MAPK7: variants seen among roughly 807,000 people sequenced by gnomAD.
MAPK7 encodes the protein BMK-1.
A neutral mutation model predicts 56.9 loss-of-function variants in MAPK7; 30 were observed. The observed-to-expected ratio is 0.53, with a 90% CI of 0.39 to 0.72. MAPK7 has a LOEUF of 0.72. MAPK7 is among the 30% of genes least tolerant of loss of function. The pLI, the probability that MAPK7 is intolerant of heterozygous loss-of-function variation, is 0.00. For missense variants in MAPK7, 952 were observed against 1,110.8 expected, an observed-to-expected ratio of 0.86 and a Z score of 2.03; for synonymous variants, 516 against 449.3, an observed-to-expected ratio of 1.15 and a Z score of -1.88.
At position 19,378,976 on chromosome 17, in the gene MAPK7, G is replaced by T; in HGVS notation, c.76G>T (p.Ala26Ser). The change falls in exon 2 of 7, where the codon GCC becomes TCC. Residue 26 changes from alanine (A) to serine (S), a missense_variant. Coordinates refer to ENST00000395604, the MANE Select transcript of MAPK7 (RefSeq NM_002749.4). The surrounding 1 kb of genome is among the most constrained non-coding windows in gnomAD (Gnocchi z 5.4). Reference sequence around the variant, plus strand: ...CCCCGGGCCCGTGAAGGCCGAACCCGCCCACACCGCTGCCTCTGTAGCGGC... The same window carrying T: ...CCCCGGGCCCGTGAAGGCCGAACCCTCCCACACCGCTGCCTCTGTAGCGGC... ...EPPGPVKAEPAHTAASVAAKN... is the reference protein window; with the variant it reads ...EPPGPVKAEPSHTAASVAAKN... 1 of 1,608,054 alleles carries T rather than the reference G, an allele frequency of 6.2e-7. No individual in the cohort carries two copies. The highest frequency in any genetic ancestry group is 8.5e-7 in the Non-Finnish European group (1 of 1,177,448).
In MAPK7 at chr17:19,380,895, C is replaced by T. The variant is rs758766881; in HGVS notation, c.686C>T (p.Ala229Val). 9 of 1,614,044 alleles carry T rather than the reference C, an allele frequency of 5.6e-6. No individual in the cohort carries two copies. Among genetic ancestry groups the T allele is most frequent in the East Asian group, 2.2e-5 (1 of 44,894 alleles). Residue 229 changes from alanine to valine, a missense_variant, in exon 4 of 7, where the codon GCG (alanine) becomes GTG (valine). Coordinates refer to ENST00000395604, the MANE Select transcript of MAPK7 (RefSeq NM_002749.4). Reference protein sequence around the residue: ...TEYVATRWYRAPELMLSLHEY... With the variant: ...TEYVATRWYRVPELMLSLHEY... ...TATGTGGCCACGCGCTGGTACCGTG[C>T]GCCCGAGCTCATGCTCTCTTTGCAT...
At position 19,381,314 on chromosome 17, in the gene MAPK7, C is replaced by G. The variant is rs752892599; in HGVS notation, c.1105C>G (p.Arg369Gly). The stretch of plus-strand genomic sequence containing the variant: ...CCCGCCCTTTGACTTTGCCTTTGAC[C>G]GCGAAGCCCTCACTCGGGAGCGCAT... ...CAPPFDFAFD[R>G]EALTRERIKE... The change falls in exon 4 of 7, where the codon CGC (arginine) becomes GGC (glycine). Residue 369 changes from arginine to glycine, a missense_variant. Physicochemically the swap from Arg to Gly is moderately radical, Grantham distance 125. This residue lies in a region of MAPK7 where 429 missense variants were observed against 533.0 expected (regional missense o/e 0.80). Transcript: ENST00000395604. The surrounding 1 kb of genome is among the most constrained non-coding windows in gnomAD (Gnocchi z 4.6). 3 of 1,613,962 alleles carry G rather than the reference C, an allele frequency of 1.9e-6. No individual in the cohort carries two copies. Among genetic ancestry groups the G allele is most frequent in the Non-Finnish European group, 2.5e-6 (3 of 1,180,040 alleles).
At chr17:19,380,121 G>A in intron 3 of MAPK7, 174 bp downstream of exon 3, 2 of 667,908 alleles carry the variant, frequency 3.0e-6, no homozygotes, top group East Asian at 2.7e-5. Flanking sequence ...TATTCCTCAA[G>A]AAGTGTACAG....
Position 19,382,364 on chromosome 17 carries a change from C to T in MAPK7, c.2061C>T (p.Phe687=), listed in dbSNP as rs781736991. The change falls in exon 5 of 7, where the codon TTC becomes TTT. Residue 687 remains phenylalanine, a synonymous_variant. Coordinates refer to ENST00000395604, the MANE Select transcript of MAPK7 (RefSeq NM_002749.4). The part of the protein sequence containing the change: ...GSSTPGVLPY[F]PPGLPPPDAG... Reference sequence around the variant, plus strand: ...GCACCCCAGGAGTTTTGCCTTACTTCCCACCTGGCCTGCCGCCCCCAGACG... The same window carrying T: ...GCACCCCAGGAGTTTTGCCTTACTTTCCACCTGGCCTGCCGCCCCCAGACG... 3 of 1,613,574 alleles carry T rather than the reference C, an allele frequency of 1.9e-6. No individual in the cohort carries two copies. The highest frequency in any genetic ancestry group is 4.5e-5 in the East Asian group (2 of 44,872).
At position 19,380,976 on chromosome 17, in the gene MAPK7, T is replaced by C; in HGVS notation, c.767T>C (p.Leu256Pro). 1 of 1,614,218 alleles carries C rather than the reference T, an allele frequency of 6.2e-7. No homozygotes were observed. Among genetic ancestry groups the C allele is most frequent in the Non-Finnish European group, 8.5e-7 (1 of 1,180,042 alleles). The change falls in exon 4 of 7, where the codon CTG becomes CCG. Residue 256 changes from leucine to proline, a missense_variant. Around this residue, in one of 5 missense-constraint regions of MAPK7, gnomAD observed 429 missense variants for 533.0 expected, o/e 0.80. Coordinates refer to ENST00000395604, the MANE Select transcript of MAPK7 (RefSeq NM_002749.4). ...GTGGGCTGCATCTTTGGTGAGATGCTGGCCCGGCGCCAGCTCTTCCCAGGC... is the reference window on the plus strand; with the variant it reads ...GTGGGCTGCATCTTTGGTGAGATGCCGGCCCGGCGCCAGCTCTTCCCAGGC... ...WSVGCIFGEMLARRQLFPGKN... is the reference protein window; with the variant it reads ...WSVGCIFGEMPARRQLFPGKN...
In MAPK7 at chr17:19,381,449, T is replaced by C; in HGVS notation, c.1240T>C (p.Cys414Arg). The change falls in exon 4 of 7, where the codon TGT (cysteine) becomes CGT (arginine). Residue 414 changes from cysteine to arginine, a missense_variant. Cys to Arg is a radical substitution (Grantham distance 180). This residue lies in a region of MAPK7 where 429 missense variants were observed against 533.0 expected (regional missense o/e 0.80). Transcript: ENST00000395604. This position sits in a 1 kb window ranked among gnomAD's most constrained non-coding sequence, Gnocchi z 4.6. ...ACAGCCTGTGGCTAGTGAGCCTGGC[T>C]GTCCAGATGTTGAAATGCCCAGTCC... Reference protein sequence around the residue: ...SLQPVASEPGCPDVEMPSPWA... With the variant: ...SLQPVASEPGRPDVEMPSPWA... 1 of 1,614,140 alleles carries C rather than the reference T, an allele frequency of 6.2e-7. No individual in the cohort carries two copies. Among genetic ancestry groups the C allele is most frequent in the Non-Finnish European group, 8.5e-7 (1 of 1,180,036 alleles).
At chr17:19,378,045 G>A, upstream of MAPK7, 1 of 985,402 alleles carries the variant, frequency 1.0e-6, no homozygotes, top group Non-Finnish European at 1.2e-6. This position sits in a 1 kb window ranked among gnomAD's most constrained non-coding sequence, Gnocchi z 5.4. Flanking sequence ...CTGGGACCAA[G>A]CAAATGGCGG....
At chr17:19,378,333 C>A, upstream of MAPK7, 1 of 988,376 alleles carries the variant, frequency 1.0e-6, no homozygotes, top group Non-Finnish European at 1.2e-6. This position sits in a 1 kb window ranked among gnomAD's most constrained non-coding sequence, Gnocchi z 5.4. Context: ...CGGCTCCCGC[C>A]GGCGAGCTGG....
intron 3 of MAPK7, 72 bp downstream of exon 3, chr17:19,380,019 C>T (rs1240565028): frequency 6.6e-7 from 1 of 1,524,072 alleles, no homozygotes; most frequent in African/African-American, 1.4e-5. Flanking sequence ...TGCCGAAGTT[C>T]TGGAAAGGCA....
chr17:19,380,797 C>T lies in MAPK7; in HGVS notation c.588C>T (p.Leu196=), dbSNP rs1289985307. The change falls in exon 4 of 7, where the codon CTC becomes CTT. Residue 196 remains leucine, a synonymous_variant. Transcript: ENST00000395604. ...SNLLVNENCE[L]KIGDFGMARG... ...TATTGGTGAATGAGAACTGTGAGCT[C>T]AAGATTGGTGACTTTGGTATGGCTC... The T allele has an allele frequency of 6.2e-7, 1 of 1,613,256 alleles. No homozygotes were observed. The highest frequency in any genetic ancestry group is 1.3e-5 in the African/African-American group (1 of 74,910).
chr17:19,378,290 C>A, upstream of MAPK7: 2 of 986,678 alleles, frequency 2.0e-6, no homozygotes, highest in Non-Finnish European at 2.4e-6. The surrounding 1 kb of genome is among the most constrained non-coding windows in gnomAD (Gnocchi z 5.4). Context: ...GGGCGGGGAG[C>A]ACACCCCTGC....
chr17:19,380,067 C>G, intron 3 of MAPK7, 120 bp downstream of exon 3: 1 of 1,116,926 alleles, frequency 9.0e-7, no homozygotes, highest in South Asian at 1.5e-5. Context: ...AAAATTCCCG[C>G]AGTTCTAGGA....
upstream of MAPK7, chr17:19,378,463 C>A: frequency 9.7e-7 from 1 of 1,028,200 alleles, no homozygotes; most frequent in Non-Finnish European, 1.2e-6. The surrounding 1 kb of genome is among the most constrained non-coding windows in gnomAD (Gnocchi z 5.4). Context: ...CTGGAGGGAG[C>A]GTGGCCTTGG....
intron 3 of MAPK7, chr17:19,380,170 G>A: frequency 1.7e-6 from 1 of 583,850 alleles, no homozygotes; most frequent in South Asian, 2.2e-5. Flanking sequence ...TATATAGGAT[G>A]TCAAATGTAG....
upstream of MAPK7, chr17:19,378,320 G>C: frequency 2.0e-6 from 2 of 988,564 alleles, no homozygotes; most frequent in Non-Finnish European, 2.4e-6. This position sits in a 1 kb window ranked among gnomAD's most constrained non-coding sequence, Gnocchi z 5.4. Flanking sequence ...GGCACCCTTT[G>C]GGCGGCTCCC....
chr17:19,381,868 G>A lies in MAPK7; in HGVS notation c.1565G>A (p.Arg522Gln). 9 of 1,581,242 alleles carry A rather than the reference G, an allele frequency of 5.7e-6. No homozygotes were observed. Among genetic ancestry groups the A allele is most frequent in the East Asian group, 2.3e-5 (1 of 43,582 alleles). The change falls in exon 5 of 7, where the codon CGG becomes CAG. Residue 522 changes from arginine to glutamine, a missense_variant. This residue lies in a region of MAPK7 where 429 missense variants were observed against 533.0 expected (regional missense o/e 0.80). Coordinates refer to ENST00000395604, the MANE Select transcript of MAPK7 (RefSeq NM_002749.4). The surrounding 1 kb of genome is among the most constrained non-coding windows in gnomAD (Gnocchi z 4.6). ...CAGCGGGAGCGGGAGGAGAAGCGGC[G>A]GAGGCGGCAAGAACGAGCCAAGGAG... ...ERQREREEKR[R>Q]RRQERAKERE...
In MAPK7 at chr17:19,381,549, AC is replaced by A; in HGVS notation, c.1341del (p.Asp447GlufsTer5). ...CCACCATGCCCCGGCCCTGCACCTG[AC>A]ACCATTGATCTGACCCTGCAGCCAC... ...APPPCPGPAP[D>X]TIDLTLQPPP... is the part of the protein sequence containing the mutation. On this transcript the variant is annotated frameshift_variant, in exon 4 of 7. Coordinates refer to ENST00000395604, the MANE Select transcript of MAPK7 (RefSeq NM_002749.4). LOFTEE classifies it high-confidence loss of function. This position sits in a 1 kb window ranked among gnomAD's most constrained non-coding sequence, Gnocchi z 4.6. 1.2e-6 allele frequency: 2 copies of A among 1,613,626 alleles called. No individual in the cohort carries two copies. The highest frequency in any genetic ancestry group is 1.7e-6 in the Non-Finnish European group (2 of 1,179,968).
chr17:19,380,426 A>G, intron 3 of MAPK7, 182 bp from the exon 4 acceptor site: 1 of 1,393,134 alleles, frequency 7.2e-7, no homozygotes, highest in Non-Finnish European at 9.3e-7. Flanking sequence ...AACCAAGTTC[A>G]TGGAAAAGTC....
intron 3 of MAPK7, 132 bp from the exon 4 acceptor site, chr17:19,380,476 G>A (rs145800612): frequency 1.4e-6 from 2 of 1,450,438 alleles, no homozygotes; most frequent in African/African-American, 2.8e-5. Flanking sequence ...TCCATACCAT[G>A]CCGTCAGCCC....
Sources: gnomAD v4.1 joint callset for allele counts on GRCh38, gnomAD v4.1.1 for gene constraint, gnomAD v4.1.1 regional missense constraint, Gnocchi (gnomAD v3.1) non-coding constraint, MANE v1.5 for transcripts, NCBI Gene and HGNC (gene_info 2026-07-23, HGNC 2026-07-21) for gene names.